Variants in HS3ST4 observed in about 807,000 individuals in gnomAD.
HS3ST4 encodes the protein heparan sulfate glucosamine 3-O-sulfotransferase 4.
In HS3ST4, 17 loss-of-function variants were observed where a neutral mutation model predicts 29.2. The ratio of observed to expected loss-of-function variants is 0.58; its 90% CI spans 0.40 to 0.87. HS3ST4 has a LOEUF of 0.87. Among genes scored for constraint, HS3ST4 ranks in the 40% least tolerant of loss-of-function variants. The pLI, the probability that HS3ST4 is intolerant of heterozygous loss-of-function variation, is 0.00. For synonymous variants in HS3ST4, 314 were observed against 285.7 expected (o/e 1.10, Z -1.00); for missense variants, 627 against 634.5 (o/e 0.99, Z 0.13).
intron 1 of HS3ST4, among the ~76,000 whole-genome samples, chr16:26,041,175 A>G (rs1232081723): frequency 6.6e-6 from 1 of 151,978 alleles, no homozygotes; most frequent in Non-Finnish European, 1.5e-5. Context: ...TCGTCTCTAT[A>G]AAAGCATTTT....
intron 1 of HS3ST4, among the ~76,000 whole-genome samples, chr16:25,833,831 CAGAA>C (rs1308141981): frequency 6.6e-6 from 1 of 152,198 alleles, no homozygotes; most frequent in Admixed American, 6.5e-5. Flanking sequence ...GTCCCAATCA[CAGAA>C]AGAGTTTTAG....
At chr16:25,760,508 TC>T (rs1366703043) in intron 1 of HS3ST4, among the ~76,000 whole-genome samples, 5 of 149,348 alleles carry the variant, frequency 3.3e-5, no homozygotes, top group Non-Finnish European at 5.9e-5. Flanking sequence ...AACCTCCACC[TC>T]CCTGATTCAA....
intron 1 of HS3ST4, among the ~76,000 whole-genome samples, chr16:25,973,143 G>C (rs746180914): frequency 1.3e-5 from 2 of 152,174 alleles, no homozygotes; most frequent in Non-Finnish European, 1.5e-5. Flanking sequence ...GCTGTCGGGG[G>C]AAGGCAGAGA....
At chr16:26,093,041 G>T (rs1898876623) in intron 1 of HS3ST4, among the ~76,000 whole-genome samples, 2 of 152,196 alleles carry the variant, frequency 1.3e-5, no homozygotes, top group South Asian at 2.1e-4. Flanking sequence ...CGGGAGAGGG[G>T]TGTCCATCAT....
intron 1 of HS3ST4, among the ~76,000 whole-genome samples, chr16:26,039,569 A>G (rs1969616583): frequency 6.6e-6 from 1 of 152,172 alleles, no homozygotes; most frequent in South Asian, 2.1e-4. Context: ...CTTTCCCTCA[A>G]TCATTTATCC....
intron 1 of HS3ST4, among the ~76,000 whole-genome samples, chr16:25,898,986 A>G (rs1968096701): frequency 6.6e-6 from 1 of 152,232 alleles, no homozygotes; most frequent in Non-Finnish European, 1.5e-5. Context: ...GGTGGACAAG[A>G]TGGACCCTAA....
At chr16:25,753,853 C>T (rs886852463) in intron 1 of HS3ST4, among the ~76,000 whole-genome samples, 1 of 152,004 alleles carries the variant, frequency 6.6e-6, no homozygotes, top group Non-Finnish European at 1.5e-5. Context: ...ATTAAATTTT[C>T]CCGTATTTAT....
chr16:25,781,513 C>G (rs1237699382), intron 1 of HS3ST4, among the ~76,000 whole-genome samples: 4 of 152,202 alleles, frequency 2.6e-5, no homozygotes, highest in Non-Finnish European at 5.9e-5. Flanking sequence ...TCTCCTCTCT[C>G]ACACACATAA....
intron 1 of HS3ST4, among the ~76,000 whole-genome samples, chr16:25,701,816 T>C (rs1010378297): frequency 6.6e-6 from 1 of 152,208 alleles, no homozygotes; most frequent in African/African-American, 2.4e-5. Flanking sequence ...AAAGGTGTTA[T>C]CAGTCTTGAC....
At chr16:26,028,272 C>CAAAAAAAA (rs57920476) in intron 1 of HS3ST4, among the ~76,000 whole-genome samples, 5 of 48,618 alleles carry the variant, frequency 1.0e-4, no homozygotes, top group African/African-American at 2.7e-4. Context: ...GACACCGTCT[C>CAAAAAAAA]AAAAAAAAAA....
chr16:25,747,724 C>A (rs1310113280), intron 1 of HS3ST4, among the ~76,000 whole-genome samples: 1 of 152,208 alleles, frequency 6.6e-6, no homozygotes, highest in Non-Finnish European at 1.5e-5. Context: ...CAGACACTTA[C>A]AGAGGTCTCC....
intron 1 of HS3ST4, among the ~76,000 whole-genome samples, chr16:25,762,876 C>CAAAAAAAA (rs67260535): frequency 8.0e-4 from 48 of 60,320 alleles, no homozygotes; most frequent in East Asian, 1.8e-3. Context: ...GACCCTGTCT[C>CAAAAAAAA]AAAAAAAAAA....
chr16:26,102,044 C>A (rs1001990333), intron 1 of HS3ST4, among the ~76,000 whole-genome samples: 2 of 152,104 alleles, frequency 1.3e-5, no homozygotes, highest in African/African-American at 2.4e-5. Context: ...GGCATTAGTT[C>A]CCTTCCTTCA....
At chr16:26,058,079 G>A (rs947171814) in intron 1 of HS3ST4, among the ~76,000 whole-genome samples, 12 of 152,194 alleles carry the variant, frequency 7.9e-5, no homozygotes, top group African/African-American at 2.9e-4. Flanking sequence ...CAATTGGGAG[G>A]CAACACAAGT....
At chr16:25,878,425 A>G (rs148584712) in intron 1 of HS3ST4, among the ~76,000 whole-genome samples, 50 of 152,310 alleles carry the variant, frequency 3.3e-4, no homozygotes, top group African/African-American at 1.2e-3. Context: ...AAGTGCTAGT[A>G]TCTATCAGAA....
chr16:26,020,682 T>C (rs546162376), intron 1 of HS3ST4, among the ~76,000 whole-genome samples: 13 of 152,352 alleles, frequency 8.5e-5, no homozygotes, highest in African/African-American at 3.1e-4. Context: ...GTGTGGTTCA[T>C]GAACCAGCAA....
At chr16:25,757,750 A>G (rs1332512171) in intron 1 of HS3ST4, among the ~76,000 whole-genome samples, 1 of 151,848 alleles carries the variant, frequency 6.6e-6, no homozygotes, top group African/African-American at 2.4e-5. Context: ...GGAGGCTACC[A>G]TGGGGGCCAT....
intron 1 of HS3ST4, among the ~76,000 whole-genome samples, chr16:26,101,486 A>G (rs1898989390): frequency 6.6e-6 from 1 of 152,226 alleles, no homozygotes; most frequent in South Asian, 2.1e-4. Flanking sequence ...CCATCATCCC[A>G]GTGTCCGGGA....
chr16:25,978,942 GTTT>G (rs34078514), intron 1 of HS3ST4, among the ~76,000 whole-genome samples: 1 of 132,282 alleles, frequency 7.6e-6, no homozygotes, highest in Non-Finnish European at 1.6e-5. Context: ...TTCTCTTTTT[GTTT>G]TTTTTTTTTT....
Sources: allele counts gnomAD v4.1 joint callset (sites outside exome capture counted in the v4.1 genomes callset), GRCh38; gene constraint gnomAD v4.1.1; transcripts MANE v1.5; gene names NCBI Gene and HGNC (gene_info 2026-07-23, HGNC 2026-07-21).